GALC: variants seen among roughly 807,000 people sequenced by gnomAD.
The protein encoded by GALC is galactosylceramidase.
Under a neutral mutation model 91.8 loss-of-function variants are expected in GALC, and 77 were observed. The ratio of observed to expected loss-of-function variants is 0.84; its 90% confidence interval spans 0.70 to 1.01. GALC has a LOEUF of 1.01. Ranked by LOEUF, GALC falls within the 50% of genes least tolerant of loss-of-function variation. The pLI, the probability that GALC is intolerant of heterozygous loss-of-function variation, is 0.00. For synonymous variants in GALC, 357 were observed against 306.7 expected (o/e 1.16, Z -1.71); for missense variants, 882 against 855.9 (o/e 1.03, Z -0.38).
Position 87,968,314 on chromosome 14 carries a change from A to T in GALC, c.908+21T>A, listed in dbSNP as rs752096094. ...TTAAATTTTTTTTGATAAGAACTCT[A>T]AAAGGTTTTTAATAACTTACGAAGT... is the stretch of plus-strand genomic sequence containing the variant. On this transcript the variant is annotated intron_variant, in intron 8 of 16. Transcript: ENST00000261304. 3.1e-6 allele frequency: 5 copies of T among 1,591,544 alleles called. No individual in the cohort carries two copies. The African/African-American group carries it at 6.8e-5, about 22-fold the overall frequency.
Position 87,963,388 on chromosome 14 carries a change from G to T in GALC, c.1157C>A (p.Thr386Asn), listed in dbSNP as rs906777379. 1.9e-6 allele frequency: 3 copies of T among 1,613,046 alleles called. No homozygotes were observed. The African/African-American group carries it at 4.0e-5, about 22-fold the overall frequency. Residue 386 changes from threonine (T) to asparagine (N), a missense_variant, in exon 10 of 17, where the codon ACC becomes AAC. Coordinates refer to ENST00000261304, the MANE Select transcript of GALC (RefSeq NM_000153.4). ...GLGNLTIIIE[T>N]MSHKHSKCIR... Reference sequence around the variant, plus strand: ...ATAGCAACAACAAAAGTTTACCATGGTTTCAATGATGATGGTGAGGTTCCC... The same window carrying T: ...ATAGCAACAACAAAAGTTTACCATGTTTTCAATGATGATGGTGAGGTTCCC...
intron 16 of GALC, among the ~76,000 whole-genome samples, chr14:87,936,916 A>ATATATATT (rs1431339979): frequency 4.3e-5 from 6 of 139,560 alleles, no homozygotes; most frequent in African/African-American, 1.1e-4. Context: ...ATATATATTT[A>ATATATATT]TTTATTTTCT....
Position 87,934,375 on chromosome 14 carries a change from T to C in GALC, c.*357A>G. ...AAATACATCTCAGTGATGATCAAGT[T>C]ACTGCCATCTACAGGACCGCTTGCA... On this transcript the variant is annotated 3_prime_UTR_variant, in exon 17 of 17. Coordinates refer to ENST00000261304, the MANE Select transcript of GALC (RefSeq NM_000153.4). 1 of 1,264,770 alleles carries C rather than the reference T, an allele frequency of 7.9e-7. No individual in the cohort carries two copies. The highest frequency in any genetic ancestry group is 1.0e-6 in the Non-Finnish European group (1 of 996,636). 78.3% of individuals were successfully genotyped at this position (1,264,770 alleles called of 1,614,324 possible).
chr14:87,959,332 TG>T (rs1282056313), intron 10 of GALC, among the ~76,000 whole-genome samples: 6 of 152,046 alleles, frequency 3.9e-5, no homozygotes, highest in Non-Finnish European at 7.4e-5. Flanking sequence ...CAAGTGTTGG[TG>T]AGGATGTGGA....
At chr14:87,968,977 T>A (rs937834196) in intron 7 of GALC, among the ~76,000 whole-genome samples, 4 of 152,032 alleles carry the variant, frequency 2.6e-5, no homozygotes, top group Admixed American at 6.6e-5. Flanking sequence ...AGTAGTACTC[T>A]CCCCACTACT....
chr14:87,986,400 C>T (rs1190407020), intron 4 of GALC, 89 bp downstream of exon 4: 5 of 817,138 alleles, frequency 6.1e-6, no homozygotes, highest in East Asian at 2.6e-5. Flanking sequence ...TGAGTACTTC[C>T]GTATTAATAG....
chr14:87,949,460 A>G (rs75360027), intron 12 of GALC, among the ~76,000 whole-genome samples: 15,819 of 152,056 alleles, frequency 0.1, 889 homozygotes, highest in African/African-American at 0.13. Context: ...GGTGACCTGG[A>G]AAGTCAGACT....
intron 6 of GALC, chr14:87,976,745 G>A: frequency 2.5e-6 from 1 of 402,268 alleles, no homozygotes; most frequent in East Asian, 5.7e-5. Context: ...CTCCCAAGTA[G>A]CTGGGATTAC....
intron 5 of GALC, 81 bp downstream of exon 5, chr14:87,984,313 A>C: frequency 7.0e-7 from 1 of 1,430,448 alleles, no homozygotes; most frequent in South Asian, 1.3e-5. Flanking sequence ...TGGTTAGTCA[A>C]AAAGTACCAC....
intron 10 of GALC, among the ~76,000 whole-genome samples, chr14:87,958,081 A>G (rs1885635269): frequency 6.6e-6 from 1 of 152,178 alleles, no homozygotes; most frequent in Non-Finnish European, 1.5e-5. Flanking sequence ...AACAATCTGG[A>G]GGTATCACAT....
chr14:87,941,291 C>A lies in GALC; in HGVS notation c.1834+104G>T, dbSNP rs186349286. 10 of 773,540 alleles carry A rather than the reference C, an allele frequency of 1.3e-5. No individual in the cohort carries two copies. In the Admixed American group the frequency reaches 2.0e-4, roughly 15 times the overall value. The allele number at this position is 773,540 out of a possible 1,614,324, so 47.9% of individuals were successfully genotyped here. ...CCCTTCCCAATTAGATGTCCAAACA[C>A]CTTGGGTTGAATTCTTTTTATCACT... is the stretch of plus-strand genomic sequence containing the variant. On this transcript the variant is annotated intron_variant, in intron 15 of 16. Coordinates refer to ENST00000261304, the MANE Select transcript of GALC (RefSeq NM_000153.4).
chr14:87,963,630 AT>A (rs1885904945), intron 9 of GALC, 119 bp from the exon 10 acceptor site: 1 of 837,506 alleles, frequency 1.2e-6, no homozygotes, highest in Non-Finnish European at 1.9e-6. Context: ...GCTATTTTCT[AT>A]TTTGCAGGAA....
chr14:87,965,524 T>G lies in GALC; in HGVS notation c.1014A>C (p.Glu338Asp). The G allele has an allele frequency of 6.2e-7, 1 of 1,613,564 alleles. No individual in the cohort carries two copies. The highest frequency in any genetic ancestry group is 8.5e-7 in the Non-Finnish European group (1 of 1,179,620). ...CCATACCTGATACCCAGACAGGAGA[T>G]TCTACCACGTAGTGCCCACTCCATG... ...QEPWSGHYVV[E>D]SPVWVSAHTT... Residue 338 changes from glutamate (E) to aspartate (D), a missense_variant, in exon 9 of 17, where the codon GAA (glutamate) becomes GAC (aspartate). Physicochemically the swap from Glu to Asp is conservative, Grantham distance 45. Transcript: ENST00000261304.
Position 87,976,477 on chromosome 14 carries a change from T to A in GALC, c.633A>T (p.Lys211Asn). The A allele has an allele frequency of 2.5e-6, 4 of 1,612,432 alleles. No individual in the cohort carries two copies. Among genetic ancestry groups the A allele is most frequent in the Non-Finnish European group, 3.4e-6 (4 of 1,178,480 alleles). Residue 211 changes from lysine (K) to asparagine (N), a missense_variant, in exon 7 of 17, where the codon AAA becomes AAT. Coordinates refer to ENST00000261304, the MANE Select transcript of GALC (RefSeq NM_000153.4). ...GCTGGAGACCTTGATAATTCAGCAT[T>A]TTTCTTAATATCTTTTGGAGTAAGA... Reference protein sequence around the residue: ...YNANYIKILRKMLNYQGLQRV... With the variant: ...YNANYIKILRNMLNYQGLQRV...
At chr14:87,954,737 A>G in intron 10 of GALC, 2 of 1,561,630 alleles carry the variant, frequency 1.3e-6, no homozygotes, top group Non-Finnish European at 1.8e-6. Context: ...AAATGCTCAC[A>G]GTTCTCTGAA....
Position 87,934,117 on chromosome 14 carries a change from G to C in GALC, c.*615C>G, listed in dbSNP as rs1056041499. 1 of 1,452,736 alleles carries C rather than the reference G, an allele frequency of 6.9e-7. No homozygotes were observed. Among genetic ancestry groups the C allele is most frequent in the African/African-American group, 1.4e-5 (1 of 70,336 alleles). The allele number at this position is 1,452,736 out of a possible 1,614,324, so 90.0% of individuals were successfully genotyped here. On this transcript the variant is annotated 3_prime_UTR_variant, in exon 17 of 17. Coordinates refer to ENST00000261304, the MANE Select transcript of GALC (RefSeq NM_000153.4). Reference sequence around the variant, plus strand: ...TAATATCTATTACTGCAGAAATAGTGTTAGAGGTAGTTTATTAAAGAGGCA... The same window carrying C: ...TAATATCTATTACTGCAGAAATAGTCTTAGAGGTAGTTTATTAAAGAGGCA...
At position 87,939,979 on chromosome 14, in the gene GALC, C is replaced by A. The variant is rs1057517033; in HGVS notation, c.1837G>T (p.Gly613Ter). The A allele has an allele frequency of 6.2e-7, 1 of 1,606,808 alleles. No individual in the cohort carries two copies. Among genetic ancestry groups the A allele is most frequent in the Non-Finnish European group, 8.5e-7 (1 of 1,174,158 alleles). Reference protein sequence around the residue: ...GSYRVTGDLAGWIIYALGRVE... With the variant: ...GSYRVTGDLA ...CGTCCTAAAGCATATATAATCCATCCAGCTGTAACACAAAAATATTATCCC... is the reference window on the plus strand; with the variant it reads ...CGTCCTAAAGCATATATAATCCATCAAGCTGTAACACAAAAATATTATCCC... Residue 613 changes from glycine to a stop codon, truncating the protein, a stop_gained and splice_region_variant, in exon 16 of 17, where the codon GGA becomes TGA. Coordinates refer to ENST00000261304, the MANE Select transcript of GALC (RefSeq NM_000153.4). LOFTEE classifies it high-confidence loss of function.
chr14:87,960,413 A>G (rs1885753793), intron 10 of GALC, among the ~76,000 whole-genome samples: 1 of 152,134 alleles, frequency 6.6e-6, no homozygotes, highest in Non-Finnish European at 1.5e-5. Context: ...GAGGCTTTTG[A>G]ATGCTTTCAT....
intron 10 of GALC, among the ~76,000 whole-genome samples, chr14:87,956,634 G>GTA (rs1304708410): frequency 1.9e-4 from 26 of 136,820 alleles, no homozygotes; most frequent in African/African-American, 2.7e-4. Flanking sequence ...TATATATATG[G>GTA]TATATATATA....
Sources: allele counts gnomAD v4.1 joint callset (sites outside exome capture counted in the v4.1 genomes callset), GRCh38; gene constraint gnomAD v4.1.1; transcripts MANE v1.5; gene names NCBI Gene and HGNC (gene_info 2026-07-23, HGNC 2026-07-21).